The following GIT2 variants were observed in gnomAD, a reference collection of about 807,000 sequenced individuals.
GIT2 encodes ARF GTPase-activating protein GIT2.
GIT2 carries 32 observed loss-of-function variants against 100.3 expected under a neutral mutation model. The observed-to-expected ratio is 0.32, with a 90% CI of 0.24 to 0.43. The LOEUF (loss-of-function observed/expected upper bound fraction) is 0.43, where lower values mean the gene tolerates loss of function less well. Ranked by LOEUF, GIT2 falls within the 20% of genes least tolerant of loss-of-function variation. GIT2 has a pLI of 1.00. For missense variants in GIT2, 737 were observed against 975.1 expected, an observed-to-expected ratio of 0.76 and a Z score of 3.25; for synonymous variants, 353 against 364.1, an observed-to-expected ratio of 0.97 and a Z score of 0.35.
intron 16 of GIT2, among the ~76,000 whole-genome samples, chr12:109,944,482 TA>T (rs1386926432): frequency 1.3e-5 from 2 of 152,234 alleles, no homozygotes; most frequent in African/African-American, 4.8e-5. Flanking sequence ...TGCATGAAAG[TA>T]TTTTTTAATT....
At chr12:109,942,679 C>T (rs951467438) in intron 16 of GIT2, among the ~76,000 whole-genome samples, 3 of 152,122 alleles carry the variant, frequency 2.0e-5, no homozygotes, top group African/African-American at 4.8e-5. Context: ...TGTGATAAAT[C>T]GCAAATCAAA....
intron 7 of GIT2, among the ~76,000 whole-genome samples, chr12:109,968,279 G>A (rs931459658): frequency 6.6e-6 from 1 of 151,338 alleles, no homozygotes; most frequent in African/African-American, 2.4e-5. Context: ...ATTCTAATAG[G>A]TATGCTGTGG....
intron 17 of GIT2, 141 bp downstream of exon 17, chr12:109,939,024 A>G: frequency 3.1e-6 from 2 of 647,210 alleles, no homozygotes; most frequent in East Asian, 2.6e-5. Flanking sequence ...CTACGAGCGT[A>G]TGCTTGAATA....
intron 7 of GIT2, among the ~76,000 whole-genome samples, chr12:109,973,768 G>A (rs546259630): frequency 4.6e-5 from 7 of 151,580 alleles, no homozygotes; most frequent in East Asian, 1.9e-4. Flanking sequence ...GAGGCTAGGC[G>A]CGGTGTCTCA....
upstream of GIT2, chr12:109,998,408 C>CA (rs1470134060): frequency 6.6e-6 from 1 of 152,190 alleles, no homozygotes; most frequent in Non-Finnish European, 1.5e-5. Flanking sequence ...ACTCAGAGGG[C>CA]AGAGGGAATG....
intron 7 of GIT2, among the ~76,000 whole-genome samples, chr12:109,973,243 C>T (rs1048753064): frequency 2.6e-5 from 4 of 152,146 alleles, no homozygotes; most frequent in East Asian, 1.9e-4. Context: ...CAGGTTTAAG[C>T]GATTTTCCTG....
intron 7 of GIT2, among the ~76,000 whole-genome samples, chr12:109,975,183 C>G (rs535977279): frequency 2.0e-5 from 3 of 151,258 alleles, no homozygotes; most frequent in Non-Finnish European, 4.4e-5. Context: ...TTCTTGTAGA[C>G]AGTATATATT....
At position 109,934,635 on chromosome 12, in the gene GIT2, C is replaced by A. The variant is rs1157044643; in HGVS notation, c.2004-550G>T. Among the ~76,000 whole-genome samples the A allele has an allele frequency of 1.3e-5, 2 of 152,162 alleles. No homozygotes were observed. Among genetic ancestry groups the A allele is most frequent in the African/African-American group, 4.8e-5 (2 of 41,448 alleles). On this transcript the variant is annotated intron_variant, in intron 18 of 19. Coordinates refer to ENST00000355312, the MANE Select transcript of GIT2 (RefSeq NM_057169.5). The surrounding 1 kb of genome is among the most constrained non-coding windows in gnomAD (Gnocchi z 4.5). ...GATTCAAGTGAATCTCTTGCCTCAG[C>A]CTCCAAAGTGCTGGGGTTACAGGTG...
chr12:109,969,467 A>C (rs1299131485), intron 7 of GIT2, among the ~76,000 whole-genome samples: 1 of 151,930 alleles, frequency 6.6e-6, no homozygotes, highest in African/African-American at 2.4e-5. Flanking sequence ...GCACCTGGCC[A>C]AAAATTTTCA....
chr12:109,994,750 T>G (rs1028382960), intron 1 of GIT2, among the ~76,000 whole-genome samples: 1 of 152,210 alleles, frequency 6.6e-6, no homozygotes, highest in Non-Finnish European at 1.5e-5. Context: ...CAAGAGGAAG[T>G]TAGAAGCTAG....
upstream of GIT2, chr12:109,999,878 C>T: frequency 8.5e-7 from 1 of 1,175,358 alleles, no homozygotes; most frequent in Non-Finnish European, 1.2e-6. This position sits in a 1 kb window ranked among gnomAD's most constrained non-coding sequence, Gnocchi z 4.3. Context: ...CCCTCTGTCC[C>T]CGGGATCCCC....
chr12:109,996,051 G>T (rs1199240956), intron 1 of GIT2, 122 bp downstream of exon 1: 4 of 621,322 alleles, frequency 6.4e-6, no homozygotes, highest in African/African-American at 1.9e-5. Flanking sequence ...CCCCAAGGCC[G>T]CCCAGGGACC....
chr12:109,940,922 A>G (rs1874477243), intron 16 of GIT2, among the ~76,000 whole-genome samples: 1 of 151,736 alleles, frequency 6.6e-6, no homozygotes, highest in Non-Finnish European at 1.5e-5. Flanking sequence ...AAAAAGAAAA[A>G]AAAAAAAAAA....
chr12:109,946,646 T>C (rs1032324193), intron 15 of GIT2, among the ~76,000 whole-genome samples: 5 of 152,204 alleles, frequency 3.3e-5, no homozygotes, highest in African/African-American at 9.7e-5. Flanking sequence ...TTTCCTTTTC[T>C]GAGACAACAA....
chr12:109,970,804 T>A (rs933772782), intron 7 of GIT2, among the ~76,000 whole-genome samples: 2 of 152,222 alleles, frequency 1.3e-5, no homozygotes, highest in Non-Finnish European at 2.9e-5. Flanking sequence ...TATTATTATT[T>A]TTGGAAATGA....
intron 12 of GIT2, chr12:109,953,890 T>C (rs1200012727): frequency 6.6e-6 from 1 of 152,204 alleles, no homozygotes; most frequent in Non-Finnish European, 1.5e-5. Flanking sequence ...GTCATGAAGA[T>C]AAGGCTGTAG....
intron 4 of GIT2, among the ~76,000 whole-genome samples, chr12:109,987,164 C>G (rs981747617): frequency 1.3e-5 from 2 of 151,572 alleles, no homozygotes; most frequent in Non-Finnish European, 2.9e-5. Flanking sequence ...GGGAGGATCA[C>G]GAGGTCAGGA....
rs1416804609 is a variant in GIT2, at chr12:109,933,160, G to A, written c.2098C>T (p.Leu700Phe). The A allele has an allele frequency of 1.9e-6, 3 of 1,576,848 alleles. No homozygotes were observed. The highest frequency in any genetic ancestry group is 1.9e-5 in the Admixed American group (1 of 53,146). ...KPKSDMVRTS[L>F]RLLTSSAYRL... ...TAGGCACTGGACGTCAGTAAACGAA[G>A]GGAAGTCCTCACCATATCAGACTTG... is the stretch of plus-strand genomic sequence containing the variant. The change falls in exon 20 of 20, where the codon CTT becomes TTT. Residue 700 changes from leucine to phenylalanine, a missense_variant. Leu to Phe is a conservative substitution (Grantham distance 22). Around this residue, in one of 3 missense-constraint regions of GIT2, gnomAD observed 451 missense variants for 543.7 expected, o/e 0.83. Coordinates refer to ENST00000355312, the MANE Select transcript of GIT2 (RefSeq NM_057169.5). The surrounding 1 kb of genome is among the most constrained non-coding windows in gnomAD (Gnocchi z 4.5).
Position 109,947,625 on chromosome 12 carries a change from T to G in GIT2, c.1393-121A>C. On this transcript the variant is annotated intron_variant, in intron 14 of 19. Coordinates refer to ENST00000355312, the MANE Select transcript of GIT2 (RefSeq NM_057169.5). The surrounding 1 kb of genome is among the most constrained non-coding windows in gnomAD (Gnocchi z 4.3). ...TAAGGACAGTAACAGCTAGCCGGGC[T>G]GAAAGTAAAAAGCCAATACAAACAA... 1 of 924,396 alleles carries G rather than the reference T, an allele frequency of 1.1e-6. No individual in the cohort carries two copies. 57.3% of individuals were successfully genotyped at this position (924,396 alleles called of 1,614,324 possible).
Sources: gnomAD v4.1 joint callset for allele counts (sites outside exome capture counted in the v4.1 genomes callset) on GRCh38, gnomAD v4.1.1 for gene constraint, gnomAD v4.1.1 regional missense constraint, Gnocchi (gnomAD v3.1) non-coding constraint, MANE v1.5 for transcripts, NCBI Gene and HGNC (gene_info 2026-07-23, HGNC 2026-07-21) for gene names.